DPP10: variants seen among roughly 807,000 people sequenced by gnomAD.
DPP10 encodes inactive dipeptidyl peptidase 10.
Under a neutral mutation model 120.9 loss-of-function variants are expected in DPP10, and 33 were observed. The ratio of observed to expected loss-of-function variants is 0.27; its 90% CI spans 0.21 to 0.37. DPP10 has a LOEUF of 0.37. Among genes scored for constraint, DPP10 ranks in the 10% least tolerant of loss-of-function variants. The pLI is 1.00. For synonymous variants in DPP10, 337 were observed against 326.1 expected, an observed-to-expected ratio of 1.03 and a Z score of -0.36; for missense variants, 816 against 942.8, an observed-to-expected ratio of 0.87 and a Z score of 1.76.
chr2:115,767,468 CAT>C lies in DPP10; in HGVS notation c.1114-824_1114-823del, dbSNP rs1014727685. On this transcript the variant is annotated intron_variant, in intron 12 of 25. Coordinates refer to ENST00000410059, the MANE Select transcript of DPP10 (RefSeq NM_020868.6). ...AGCAGTATCTCTCTCTCTCTACATA[CAT>C]ATATGTGTGTGTGTGTGTGTATATA... is the stretch of plus-strand genomic sequence containing the variant. Among the ~76,000 whole-genome samples, 66 of 58,172 alleles carry C rather than the reference CAT, an allele frequency of 1.1e-3. No homozygotes were observed. The Admixed American group carries it at 0.012, about 10-fold the overall frequency. 38.2% of individuals were successfully genotyped at this position (58,172 alleles called of 152,430 possible).
intron 3 of DPP10, among the ~76,000 whole-genome samples, chr2:115,494,406 G>T (rs1435040545): frequency 6.6e-6 from 1 of 152,138 alleles, no homozygotes; most frequent in Non-Finnish European, 1.5e-5. Context: ...AGATCTTGAA[G>T]TAGAAATAAA....
chr2:115,162,190 G>T, intron 1 of DPP10: 1 of 1,551,036 alleles, frequency 6.4e-7, no homozygotes, highest in East Asian at 2.4e-5. Flanking sequence ...CGGACTCTGC[G>T]GGAAGTTAGA....
At position 115,696,990 on chromosome 2, in the gene DPP10, G is replaced by T. The variant is rs570665490; in HGVS notation, c.576+7069G>T. On this transcript the variant is annotated intron_variant, in intron 7 of 25. Transcript: ENST00000410059. ...ATGAGCAACGTTTTTGAATGTTATT[G>T]AGGTTAAGCTTGTATAAATTCAAAT... 5.3e-5 allele frequency among the ~76,000 whole-genome samples: 8 copies of T among 152,210 alleles called. No homozygotes were observed. In the South Asian group the frequency reaches 1.7e-3, roughly 32 times the overall value.
At chr2:115,476,015 T>C (rs945225911) in intron 3 of DPP10, among the ~76,000 whole-genome samples, 1 of 152,178 alleles carries the variant, frequency 6.6e-6, no homozygotes, top group Non-Finnish European at 1.5e-5. Context: ...GAGTTAATAC[T>C]GGAGTGAGTT....
chr2:115,246,240 A>G (rs2058526922), intron 1 of DPP10, among the ~76,000 whole-genome samples: 1 of 152,086 alleles, frequency 6.6e-6, no homozygotes, highest in South Asian at 2.1e-4. Flanking sequence ...TCAAACCTTC[A>G]CTACGTTACA....
intron 21 of DPP10, among the ~76,000 whole-genome samples, chr2:115,824,708 ATC>A (rs144580288): frequency 0.02 from 3,018 of 152,174 alleles, 94 homozygotes; most frequent in African/African-American, 0.067. Flanking sequence ...CATTTTCGTT[ATC>A]CAGTCTATCA....
intron 1 of DPP10, among the ~76,000 whole-genome samples, chr2:114,876,648 G>A (rs1691186535): frequency 6.6e-6 from 1 of 152,050 alleles, no homozygotes; most frequent in Non-Finnish European, 1.5e-5. Context: ...TAAACCAGCT[G>A]TCTCCAATTT....
chr2:115,521,951 T>C (rs903428907), intron 4 of DPP10, among the ~76,000 whole-genome samples: 1 of 152,218 alleles, frequency 6.6e-6, no homozygotes, highest in Non-Finnish European at 1.5e-5. Context: ...GAATTGTTTT[T>C]AAGCTACTTG....
chr2:115,434,372 C>T, intron 3 of DPP10, among the ~76,000 whole-genome samples: 1 of 151,892 alleles, frequency 6.6e-6, no homozygotes. Context: ...GCTTTTCACA[C>T]ATTGAATTGG....
At chr2:114,819,146 C>A (rs1401850428) in intron 1 of DPP10, among the ~76,000 whole-genome samples, 1 of 128,532 alleles carries the variant, frequency 7.8e-6, no homozygotes, top group East Asian at 2.9e-4. Context: ...TTTCCTAGTT[C>A]TCTTGCAGTG....
intron 1 of DPP10, chr2:115,234,466 T>C (rs906105049): frequency 2.6e-5 from 4 of 152,758 alleles, no homozygotes; most frequent in African/African-American, 9.6e-5. Context: ...GTACAAAGGA[T>C]TCTCAGGTCA....
chr2:115,321,109 G>A (rs1041252770), intron 2 of DPP10, among the ~76,000 whole-genome samples: 15 of 152,120 alleles, frequency 9.9e-5, no homozygotes, highest in Non-Finnish European at 1.5e-5. Context: ...AGACCAGCCT[G>A]GCCAACATGG....
intron 19 of DPP10, 166 bp from the exon 20 acceptor site, chr2:115,814,627 C>T (rs144958579): frequency 7.0e-5 from 33 of 470,054 alleles, no homozygotes; most frequent in South Asian, 3.0e-4. Flanking sequence ...TACAATTTTA[C>T]GAAGGAAAAT....
intron 1 of DPP10, among the ~76,000 whole-genome samples, chr2:114,542,416 T>A (rs1687033629): frequency 6.6e-6 from 1 of 152,186 alleles, no homozygotes. Context: ...TCTCCCCACA[T>A]GCTTTCCAGA....
chr2:115,750,828 G>T lies in DPP10; in HGVS notation c.951-2346G>T, dbSNP rs552213025. On this transcript the variant is annotated intron_variant, in intron 10 of 25. Transcript: ENST00000410059. ...AAATATATTCTGTCATGCCTGTGAG[G>T]TGTTGCAAAGATGTTCTTGTAGCAT... Among the ~76,000 whole-genome samples, 5 of 152,146 alleles carry T rather than the reference G, an allele frequency of 3.3e-5. No individual in the cohort carries two copies. In the East Asian group the frequency reaches 9.7e-4, roughly 29 times the overall value.
intron 2 of DPP10, among the ~76,000 whole-genome samples, chr2:115,321,873 A>G (rs2062080874): frequency 6.6e-6 from 1 of 152,188 alleles, no homozygotes; most frequent in South Asian, 2.1e-4. Flanking sequence ...ATTTCTGTGC[A>G]TGTATGTGTT....
intron 1 of DPP10, among the ~76,000 whole-genome samples, chr2:114,987,043 G>A (rs1311978754): frequency 1.3e-5 from 2 of 152,076 alleles, no homozygotes; most frequent in Non-Finnish European, 2.9e-5. Context: ...GCCTCCCAAA[G>A]TGCTGGGATT....
chr2:115,498,272 CT>C (rs765218155), intron 3 of DPP10, among the ~76,000 whole-genome samples: 95 of 152,192 alleles, frequency 6.2e-4, no homozygotes, highest in Non-Finnish European at 1.2e-3. Context: ...AGAAAACAAA[CT>C]TCAGCTTTGC....
At chr2:114,587,314 A>T (rs2105130310) in intron 1 of DPP10, among the ~76,000 whole-genome samples, 1 of 151,790 alleles carries the variant, frequency 6.6e-6, no homozygotes, top group East Asian at 1.9e-4. Flanking sequence ...AAAAAAAAAA[A>T]AAAAAAATAC....
Sources: gnomAD v4.1 joint callset for allele counts (sites outside exome capture counted in the v4.1 genomes callset) on GRCh38, gnomAD v4.1.1 for gene constraint, MANE v1.5 for transcripts, NCBI Gene and HGNC (gene_info 2026-07-23, HGNC 2026-07-21) for gene names.